Variants in PARL observed in about 807,000 individuals in gnomAD.
PARL encodes presenilin associated rhomboid like.
Under a neutral mutation model 51.6 loss-of-function variants are expected in PARL, and 44 were observed. That is an observed-to-expected ratio of 0.85 (90% CI 0.67 to 1.10). The LOEUF (loss-of-function observed/expected upper bound fraction) is 1.10, where lower values mean the gene tolerates loss of function less well. Among genes scored for constraint, PARL ranks in the 50% least tolerant of loss-of-function variants. PARL has a pLI of 0.00. For synonymous variants in PARL, 172 were observed against 164.0 expected (o/e 1.05, Z -0.37); for missense variants, 441 against 469.5 (o/e 0.94, Z 0.56).
chr3:183,873,635 G>GAGAAATACAAAGGATA (rs1174719228), intron 1 of PARL, among the ~76,000 whole-genome samples: 1 of 152,228 alleles, frequency 6.6e-6, no homozygotes, highest in East Asian at 1.9e-4. Flanking sequence ...GTACTGGACT[G>GAGAAATACAAAGGATA]AGAAATACAA....
intron 1 of PARL, among the ~76,000 whole-genome samples, chr3:183,877,790 A>C (rs1451498333): frequency 1.4e-5 from 2 of 143,116 alleles, no homozygotes; most frequent in Non-Finnish European, 3.0e-5. Flanking sequence ...CTGGCTTAAA[A>C]CCATAATTTA....
chr3:183,859,112 T>C (rs1431183103), intron 4 of PARL, among the ~76,000 whole-genome samples: 2 of 152,054 alleles, frequency 1.3e-5, no homozygotes, highest in African/African-American at 4.8e-5. Flanking sequence ...TAGACCATCC[T>C]GGCTAACGCG....
Position 183,867,920 on chromosome 3 carries a change from T to C in PARL, c.266A>G (p.Tyr89Cys). ...LIPPVEETVF[Y>C]PSPYPIRSLI... ...ACTCCTTATAGGATAGGGAGAAGGATAAAAGACTGTTTCTTCCACAGGAGG... is the reference window on the plus strand; with the variant it reads ...ACTCCTTATAGGATAGGGAGAAGGACAAAAGACTGTTTCTTCCACAGGAGG... The change falls in exon 2 of 10, where the codon TAT (tyrosine) becomes TGT (cysteine). Residue 89 changes from tyrosine to cysteine, a missense_variant. By Grantham distance (194) the Tyr-to-Cys change is radical. Transcript: ENST00000317096. The C allele has an allele frequency of 1.9e-6, 3 of 1,613,942 alleles. No individual in the cohort carries two copies. The highest frequency in any genetic ancestry group is 2.5e-6 in the Non-Finnish European group (3 of 1,179,846).
At chr3:183,847,078 G>A (rs556159190) in intron 4 of PARL, among the ~76,000 whole-genome samples, 18 of 152,340 alleles carry the variant, frequency 1.2e-4, no homozygotes, top group African/African-American at 2.9e-4. Flanking sequence ...CCCCAGAAGC[G>A]GATGAGCATG....
chr3:183,834,529 C>G (rs536652005), intron 7 of PARL, among the ~76,000 whole-genome samples: 6 of 152,124 alleles, frequency 3.9e-5, no homozygotes, highest in Admixed American at 1.3e-4. Flanking sequence ...GTTCCATTTG[C>G]AAACTAATTT....
chr3:183,866,257 A>G (rs891293486), intron 3 of PARL, among the ~76,000 whole-genome samples: 9 of 152,218 alleles, frequency 5.9e-5, no homozygotes, highest in Non-Finnish European at 1.0e-4. Flanking sequence ...ACAACACCAG[A>G]TATATAAAAC....
intron 1 of PARL, among the ~76,000 whole-genome samples, chr3:183,881,359 T>C (rs1577403899): frequency 6.6e-6 from 1 of 151,988 alleles, no homozygotes; most frequent in Admixed American, 6.6e-5. Flanking sequence ...TGACCTCAGG[T>C]GATCCACCCG....
chr3:183,866,595 T>C, intron 3 of PARL, 30 bp downstream of exon 3: 1 of 1,597,544 alleles, frequency 6.3e-7, no homozygotes. Flanking sequence ...CGTGATTAAC[T>C]AGAAGAAAGA....
chr3:183,849,724 G>T (rs929308110), intron 4 of PARL, among the ~76,000 whole-genome samples: 1 of 151,788 alleles, frequency 6.6e-6, no homozygotes, highest in Admixed American at 6.6e-5. Context: ...CAATAAAATT[G>T]ACAAACTTTT....
intron 4 of PARL, among the ~76,000 whole-genome samples, chr3:183,850,031 A>G (rs1730379990): frequency 6.6e-6 from 1 of 152,246 alleles, no homozygotes. Context: ...AAAGAGACTG[A>G]ATTAGTAATT....
chr3:183,851,692 A>AT (rs1469978712), intron 4 of PARL, among the ~76,000 whole-genome samples: 1 of 151,474 alleles, frequency 6.6e-6, no homozygotes, highest in African/African-American at 2.4e-5. Flanking sequence ...CAGAATATAT[A>AT]AAAAAAAACT....
intron 5 of PARL, among the ~76,000 whole-genome samples, chr3:183,842,684 T>G (rs1729468380): frequency 6.6e-6 from 1 of 151,224 alleles, no homozygotes; most frequent in African/African-American, 2.4e-5. Flanking sequence ...GGCGCACGTT[T>G]GTAATTCCTG....
At chr3:183,835,008 G>A (rs997209151) in intron 7 of PARL, among the ~76,000 whole-genome samples, 4 of 151,450 alleles carry the variant, frequency 2.6e-5, no homozygotes, top group African/African-American at 7.3e-5. Context: ...GCAGTGAGCC[G>A]AGATTGTCCC....
intron 4 of PARL, among the ~76,000 whole-genome samples, chr3:183,850,998 C>T (rs778290488): frequency 2.6e-5 from 4 of 152,170 alleles, no homozygotes; most frequent in Middle Eastern, 3.2e-3. Context: ...TACACCCATA[C>T]GATTACGGTC....
At chr3:183,870,840 G>A (rs1733104937) in intron 1 of PARL, among the ~76,000 whole-genome samples, 1 of 151,884 alleles carries the variant, frequency 6.6e-6, no homozygotes, top group Non-Finnish European at 1.5e-5. Context: ...TCTTAACTAC[G>A]ACAATGCTAC....
intron 1 of PARL, among the ~76,000 whole-genome samples, chr3:183,883,004 A>G (rs1734742837): frequency 6.6e-6 from 1 of 152,244 alleles, no homozygotes; most frequent in African/African-American, 2.4e-5. Flanking sequence ...GCTCTATTTC[A>G]GGCCTACATT....
chr3:183,866,493 T>C (rs1296211505), intron 3 of PARL, 132 bp downstream of exon 3: 28 of 758,868 alleles, frequency 3.7e-5, no homozygotes, highest in Non-Finnish European at 6.1e-5. Context: ...GTGATAGATA[T>C]TCAGTTCCTC....
At chr3:183,869,182 C>T (rs554975135) in intron 1 of PARL, among the ~76,000 whole-genome samples, 2 of 152,286 alleles carry the variant, frequency 1.3e-5, no homozygotes, top group East Asian at 3.9e-4. Flanking sequence ...AGATCCCTTT[C>T]TGTTTGTACC....
chr3:183,827,246 G>A (rs1727477191), downstream of PARL, among the ~76,000 whole-genome samples: 6 of 152,154 alleles, frequency 3.9e-5, no homozygotes, highest in South Asian at 1.2e-3. Context: ...GAGCCCAGGA[G>A]TTTGAGAACT....
Sources: allele counts gnomAD v4.1 joint callset (sites outside exome capture counted in the v4.1 genomes callset), GRCh38; gene constraint gnomAD v4.1.1; transcripts MANE v1.5; gene names NCBI Gene and HGNC (gene_info 2026-07-23, HGNC 2026-07-21).